EPS15: variants seen among roughly 807,000 people sequenced by gnomAD.
The protein encoded by EPS15 is epidermal growth factor receptor substrate 15.
A neutral mutation model predicts 113.8 loss-of-function variants in EPS15; 72 were observed. The observed-to-expected ratio is 0.63, with a 90% CI of 0.52 to 0.77. EPS15 has a LOEUF of 0.77. Ranked by LOEUF, EPS15 falls within the 30% of genes least tolerant of loss-of-function variation. The pLI is 0.00. For synonymous variants in EPS15, 344 were observed against 363.4 expected, an observed-to-expected ratio of 0.95 and a Z score of 0.61; for missense variants, 1,048 against 1,045.8, an observed-to-expected ratio of 1.00 and a Z score of -0.03.
chr1:51,471,812 T>A, intron 3 of EPS15, 75 bp from the exon 4 acceptor site: 1 of 1,052,438 alleles, frequency 9.5e-7, no homozygotes, highest in Non-Finnish European at 1.5e-6. Context: ...AAATCTCTGC[T>A]ATTTACAACC....
rs771640070 is a variant in EPS15, at chr1:51,426,848, TATATAC to T, written c.1041-4996_1041-4991del. On this transcript the variant is annotated intron_variant, in intron 12 of 24. Transcript: ENST00000371733. Reference sequence around the variant, plus strand: ...CTCTCTCTCTCTCTCTATATATATATATATACACACACACATATATATATACACATA... The same window carrying T: ...CTCTCTCTCTCTCTCTATATATATATACACACACATATATATATACACATA... Among the ~76,000 whole-genome samples, 823 of 146,048 alleles carry T rather than the reference TATATAC, an allele frequency of 5.6e-3. 5 individuals carry two copies. The highest frequency in any genetic ancestry group is 9.3e-3 in the Non-Finnish European group (629 of 67,518).
At chr1:51,419,653 CT>C (rs1245387253) in intron 13 of EPS15, among the ~76,000 whole-genome samples, 5 of 152,100 alleles carry the variant, frequency 3.3e-5, no homozygotes, top group Admixed American at 6.6e-5. Context: ...CTCTTTGATT[CT>C]GCCATTTATT....
In EPS15 at chr1:51,403,401, T is replaced by C; in HGVS notation, c.1791+18A>G. The C allele has an allele frequency of 7.2e-7, 1 of 1,394,490 alleles. No homozygotes were observed. Among genetic ancestry groups the C allele is most frequent in the East Asian group, 2.3e-5 (1 of 43,786 alleles). 86.4% of individuals were successfully genotyped at this position (1,394,490 alleles called of 1,614,324 possible). ...CACCCTTACAAGTCCCCAATGTAAATATAAAATCATTTTTTACCTCTTTTG... is the reference window on the plus strand; with the variant it reads ...CACCCTTACAAGTCCCCAATGTAAACATAAAATCATTTTTTACCTCTTTTG... On this transcript the variant is annotated intron_variant, in intron 17 of 24. Coordinates refer to ENST00000371733, the MANE Select transcript of EPS15 (RefSeq NM_001981.3).
In EPS15 at chr1:51,409,556, T is replaced by C. The variant is rs1319247838; in HGVS notation, c.1254A>G (p.Lys418=). The C allele has an allele frequency of 6.2e-7, 1 of 1,613,468 alleles. No homozygotes were observed. The highest frequency in any genetic ancestry group is 1.7e-5 in the Admixed American group (1 of 59,732). The stretch of plus-strand genomic sequence containing the variant: ...TTACCAGTTGGGCCTCCTCAGCACA[T>C]TTCTTTCTGACTTCCTTGAGTTGCT... The part of the protein sequence containing the change: ...LEEQLKEVRK[K]CAEEAQLISS... The change falls in exon 14 of 25, where the codon AAA becomes AAG. Residue 418 remains lysine, a synonymous_variant. Transcript: ENST00000371733.
intron 1 of EPS15, among the ~76,000 whole-genome samples, chr1:51,504,071 C>T (rs1010731835): frequency 6.6e-6 from 1 of 152,074 alleles, no homozygotes; most frequent in Non-Finnish European, 1.5e-5. Context: ...ACCAAAAGCA[C>T]AAGCAACAAA....
At chr1:51,378,053 G>A (rs1288470632) in intron 21 of EPS15, among the ~76,000 whole-genome samples, 6 of 151,882 alleles carry the variant, frequency 4.0e-5, no homozygotes, top group South Asian at 2.1e-4. Flanking sequence ...CCGCCACCAC[G>A]CCTGGCTAAT....
intron 13 of EPS15, among the ~76,000 whole-genome samples, chr1:51,419,283 A>G (rs534996130): frequency 2.0e-5 from 3 of 152,290 alleles, no homozygotes; most frequent in East Asian, 3.9e-4. Context: ...AAAAAATCCT[A>G]AACAGAAAGT....
chr1:51,425,814 G>A (rs1651150822), intron 12 of EPS15, among the ~76,000 whole-genome samples: 1 of 152,144 alleles, frequency 6.6e-6, no homozygotes, highest in South Asian at 2.1e-4. Context: ...TATGTAAGAT[G>A]TCAAGTAATT....
At chr1:51,478,952 G>T (rs963494228) in intron 2 of EPS15, among the ~76,000 whole-genome samples, 1 of 152,156 alleles carries the variant, frequency 6.6e-6, no homozygotes, top group East Asian at 1.9e-4. Context: ...TGCTCTTCTC[G>T]AGGAGTATCT....
chr1:51,377,603 C>T (rs1243610902), intron 21 of EPS15, among the ~76,000 whole-genome samples: 1 of 152,250 alleles, frequency 6.6e-6, no homozygotes, highest in East Asian at 1.9e-4. Flanking sequence ...TAGAATATTA[C>T]ATAAATTTAG....
chr1:51,435,672 G>A (rs1363232140), intron 12 of EPS15, among the ~76,000 whole-genome samples: 2 of 152,024 alleles, frequency 1.3e-5, no homozygotes, highest in Non-Finnish European at 2.9e-5. Flanking sequence ...CCTATTCCTC[G>A]GTGTTAAGTA....
intron 20 of EPS15, among the ~76,000 whole-genome samples, chr1:51,396,278 C>CGTT (rs1463058905): frequency 6.6e-6 from 1 of 152,186 alleles, no homozygotes; most frequent in Non-Finnish European, 1.5e-5. Flanking sequence ...AGGTCACTGA[C>CGTT]ATAACAAGTC....
At chr1:51,457,674 A>G (rs1162540673) in intron 8 of EPS15, 1 of 152,150 alleles carries the variant, frequency 6.6e-6, no homozygotes, top group Non-Finnish European at 1.5e-5. Context: ...TGCATGAAAC[A>G]AAAGTTTTGA....
intron 12 of EPS15, among the ~76,000 whole-genome samples, chr1:51,439,416 T>C (rs1301200915): frequency 6.6e-6 from 1 of 152,104 alleles, no homozygotes. Context: ...AATCTCCTTA[T>C]ATCTCAATAC....
intron 1 of EPS15, among the ~76,000 whole-genome samples, chr1:51,501,109 A>C (rs975658514): frequency 6.6e-6 from 1 of 151,944 alleles, no homozygotes; most frequent in African/African-American, 2.4e-5. Flanking sequence ...TGTTCCATAA[A>C]TGTAAAACCT....
intron 19 of EPS15, 127 bp downstream of exon 19, chr1:51,400,791 T>A: frequency 2.8e-6 from 1 of 360,134 alleles, no homozygotes; most frequent in Non-Finnish European, 5.4e-6. Flanking sequence ...AATTTACTAC[T>A]CTCTTTCTGA....
chr1:51,496,439 C>T (rs1644324545), intron 1 of EPS15, among the ~76,000 whole-genome samples: 1 of 152,112 alleles, frequency 6.6e-6, no homozygotes, highest in African/African-American at 2.4e-5. Flanking sequence ...GTTGTAAGTG[C>T]CACCTTCCAT....
chr1:51,441,020 C>T (rs2148474971), intron 11 of EPS15, among the ~76,000 whole-genome samples: 1 of 152,096 alleles, frequency 6.6e-6, no homozygotes, highest in African/African-American at 2.4e-5. Context: ...TATATGACAT[C>T]CTGTCCATAC....
intron 21 of EPS15, among the ~76,000 whole-genome samples, chr1:51,376,815 C>G (rs555883985): frequency 6.6e-6 from 1 of 152,192 alleles, no homozygotes; most frequent in Non-Finnish European, 1.5e-5. Flanking sequence ...GTAATTCTTG[C>G]AAATCAAGGA....
Sources: gnomAD v4.1 joint callset for allele counts (sites outside exome capture counted in the v4.1 genomes callset) on GRCh38, gnomAD v4.1.1 for gene constraint, MANE v1.5 for transcripts, NCBI Gene and HGNC (gene_info 2026-07-23, HGNC 2026-07-21) for gene names.